MYLK3: variants seen among roughly 807,000 people sequenced by gnomAD.
The protein encoded by MYLK3 is myosin light chain kinase 3.
Under a neutral mutation model 76.3 loss-of-function variants are expected in MYLK3, and 55 were observed. That is an observed-to-expected ratio of 0.72 (90% confidence interval 0.58 to 0.90). The LOEUF (loss-of-function observed/expected upper bound fraction) is 0.90. MYLK3 is among the 40% of genes least tolerant of loss of function. The probability of loss-of-function intolerance (pLI) is 0.00; values close to 1 mark genes in which losing one functional copy is unlikely to be tolerated. For synonymous variants in MYLK3, 416 were observed against 425.4 expected, an observed-to-expected ratio of 0.98 and a Z score of 0.27; for missense variants, 973 against 1,053.6, an observed-to-expected ratio of 0.92 and a Z score of 1.06.
chr16:46,721,329 G>C (rs1966797642), intron 8 of MYLK3, 136 bp from the exon 9 acceptor site: 6 of 711,186 alleles, frequency 8.4e-6, no homozygotes, highest in Non-Finnish European at 1.5e-5. Flanking sequence ...GGGCTGGATA[G>C]ATAATGGAAA....
In MYLK3 at chr16:46,732,253, C is replaced by G. The variant is rs757489246; in HGVS notation, c.1417G>C (p.Val473Leu). The G allele has an allele frequency of 1.2e-6, 2 of 1,601,292 alleles. No individual in the cohort carries two copies. The highest frequency in any genetic ancestry group is 2.2e-5 in the South Asian group (2 of 90,970). The part of the protein sequence containing the change: ...AARAPVRAEA[V>L]RRMPPGAEAG... ...TCGGCGCCTGGGGGCATCCTCCTTA[C>G]TGCTTCAGCTCTCACCGGAGCCCTG... The change falls in exon 4 of 13, where the codon GTA becomes CTA. Residue 473 changes from valine (V) to leucine (L), a missense_variant. Around this residue, in one of 2 missense-constraint regions of MYLK3, gnomAD observed 641 missense variants for 637.0 expected, o/e 1.01. Transcript: ENST00000394809.
intron 9 of MYLK3, 67 bp from the exon 10 acceptor site, chr16:46,712,843 T>C: frequency 1.4e-6 from 2 of 1,429,716 alleles, no homozygotes; most frequent in Non-Finnish European, 1.9e-6. Context: ...CTGGGGCTCA[T>C]TTCTGGTGGG....
intron 2 of MYLK3, among the ~76,000 whole-genome samples, chr16:46,738,932 C>T (rs530993997): frequency 3.1e-4 from 47 of 152,254 alleles, no homozygotes; most frequent in African/African-American, 1.0e-3. Flanking sequence ...CCTCCACCTC[C>T]CTGGTCCAAG....
chr16:46,711,989 A>AT (rs35047277), intron 10 of MYLK3, among the ~76,000 whole-genome samples: 32 of 116,358 alleles, frequency 2.8e-4, no homozygotes, highest in African/African-American at 5.7e-4. Flanking sequence ...TCAAGCCATA[A>AT]TTTTTTTTTT....
chr16:46,735,201 C>T (rs1440725884), intron 3 of MYLK3, among the ~76,000 whole-genome samples: 1 of 151,744 alleles, frequency 6.6e-6, no homozygotes, highest in Non-Finnish European at 1.5e-5. Flanking sequence ...GTTTTTACCC[C>T]TATTTATTTA....
chr16:46,740,634 C>T (rs562919978), intron 1 of MYLK3, among the ~76,000 whole-genome samples: 2 of 149,890 alleles, frequency 1.3e-5, no homozygotes, highest in South Asian at 2.1e-4. Context: ...TCACTGCAAC[C>T]GCTGCCTCCC....
chr16:46,735,355 G>C (rs112216870), intron 3 of MYLK3, among the ~76,000 whole-genome samples: 1 of 151,914 alleles, frequency 6.6e-6, no homozygotes, highest in East Asian at 1.9e-4. Flanking sequence ...ACAGGCACCC[G>C]CCACCATGCC....
chr16:46,711,050 T>C (rs938608076), intron 10 of MYLK3: 2 of 469,836 alleles, frequency 4.3e-6, no homozygotes, highest in Admixed American at 7.0e-5. Flanking sequence ...ACCTCATTCC[T>C]GAAGTAAAGA....
chr16:46,740,528 T>TACAC (rs1268366106), intron 1 of MYLK3, among the ~76,000 whole-genome samples: 1 of 46,038 alleles, frequency 2.2e-5, no homozygotes, highest in Non-Finnish European at 4.5e-5. Context: ...AATATATATA[T>TACAC]ATACATACAT....
At chr16:46,737,643 C>T (rs533566018) in intron 3 of MYLK3, 68 bp downstream of exon 3, 28 of 1,453,346 alleles carry the variant, frequency 1.9e-5, no homozygotes, top group African/African-American at 2.8e-5. Context: ...ATGCTGCCCA[C>T]GGCCGAGCTC....
intron 1 of MYLK3, among the ~76,000 whole-genome samples, chr16:46,742,712 T>TGG (rs1219914678): frequency 6.6e-6 from 1 of 152,136 alleles, no homozygotes; most frequent in Non-Finnish European, 1.5e-5. Context: ...AGTAAGGACA[T>TGG]AGCACATGGA....
chr16:46,724,499 G>A (rs537619098), intron 8 of MYLK3, among the ~76,000 whole-genome samples: 11 of 152,146 alleles, frequency 7.2e-5, no homozygotes, highest in South Asian at 4.2e-4. Context: ...GTCCAACTTC[G>A]TTCTTTCACA....
rs187321138 is a variant in MYLK3, at chr16:46,755,184, C to T, written c.-114+7856G>A. On this transcript the variant is annotated intron_variant, in intron 1 of 11. Transcript: ENST00000536476. ...AAAGTGCTGGGATTATAGGCTTGAG[C>T]CACCACACCTGACCCACGCACGCTT... 1.5e-4 allele frequency among the ~76,000 whole-genome samples: 23 copies of T among 152,148 alleles called. No homozygotes were observed. The East Asian group carries it at 4.4e-3, about 29-fold the overall frequency.
chr16:46,729,175 G>C (rs377391351), intron 6 of MYLK3, 42 bp from the exon 7 acceptor site: 1 of 1,504,758 alleles, frequency 6.6e-7, no homozygotes, highest in African/African-American at 1.4e-5. Flanking sequence ...AAGCGAATGA[G>C]TCAAGAAGAG....
rs1037313156 is a variant in MYLK3 at position 46,703,527 on chromosome 16, C to T, written c.*4177G>A. 1.3e-5 allele frequency: 2 copies of T among 152,216 alleles called. No homozygotes were observed. Among genetic ancestry groups the T allele is most frequent in the African/African-American group, 4.8e-5 (2 of 41,440 alleles). 9.4% of individuals were successfully genotyped at this position (152,216 alleles called of 1,614,324 possible). A position where few individuals can be genotyped will look rare whatever the true frequency, so the allele number is the denominator to read the frequency against. ...TTAGAGTTTCTCTGCCCAGCAGTTT[C>T]CAGTGACTGTACATGCAAATGGAAA... On this transcript the variant is annotated 3_prime_UTR_variant, in exon 13 of 13. Transcript: ENST00000394809.
chr16:46,758,881 A>G (rs1024000911), intron 1 of MYLK3, among the ~76,000 whole-genome samples: 2 of 152,152 alleles, frequency 1.3e-5, no homozygotes, highest in Admixed American at 1.3e-4. Context: ...AGATGGGGAG[A>G]GGGCCGAGGG....
At chr16:46,760,272 T>C (rs1967260037) in intron 1 of MYLK3, among the ~76,000 whole-genome samples, 1 of 152,158 alleles carries the variant, frequency 6.6e-6, no homozygotes, top group South Asian at 2.1e-4. Flanking sequence ...GGAAGTCCCT[T>C]CGACTCCTAC....
Position 46,703,377 on chromosome 16 carries a change from GA to G in MYLK3, c.*4326del, listed in dbSNP as rs1966595226. 1 of 152,194 alleles carries G rather than the reference GA, an allele frequency of 6.6e-6. No homozygotes were observed. Among genetic ancestry groups the G allele is most frequent in the African/African-American group, 2.4e-5 (1 of 41,460 alleles). The allele number at this position is 152,194 out of a possible 1,614,324, so 9.4% of individuals were successfully genotyped here. ...CTAGAAATAAAATTTCTGGATGAAA[GA>G]AAGCATGGGAATGACTTTTATTTGG... On this transcript the variant is annotated 3_prime_UTR_variant, in exon 13 of 13. Coordinates refer to ENST00000394809, the MANE Select transcript of MYLK3 (RefSeq NM_182493.3).
intron 10 of MYLK3, 92 bp from the exon 11 acceptor site, chr16:46,710,881 C>T: frequency 6.7e-7 from 1 of 1,497,856 alleles, no homozygotes; most frequent in South Asian, 1.1e-5. Context: ...TTCAAGTGGA[C>T]CTAGCCAGAA....
Sources: allele counts gnomAD v4.1 joint callset (sites outside exome capture counted in the v4.1 genomes callset), GRCh38; gene constraint gnomAD v4.1.1; regional missense constraint gnomAD v4.1.1; transcripts MANE v1.5; gene names NCBI Gene and HGNC (gene_info 2026-07-23, HGNC 2026-07-21).